HS3ST3B1: variants seen among roughly 807,000 people sequenced by gnomAD.
HS3ST3B1 encodes heparan sulfate glucosamine 3-O-sulfotransferase 3B1.
Under a neutral mutation model 21.3 loss-of-function variants are expected in HS3ST3B1, and 13 were observed. The observed-to-expected ratio is 0.61, with a 90% CI of 0.40 to 0.97. The LOEUF (loss-of-function observed/expected upper bound fraction) is 0.97, where lower values mean the gene tolerates loss of function less well. Ranked by LOEUF, HS3ST3B1 falls within the 50% of genes least tolerant of loss-of-function variation. HS3ST3B1 has a pLI of 0.00. For synonymous variants in HS3ST3B1, 234 were observed against 254.8 expected (o/e 0.92, Z 0.78); for missense variants, 459 against 554.8 (o/e 0.83, Z 1.73).
chr17:14,322,005 T>A (rs981036568), intron 1 of HS3ST3B1, among the ~76,000 whole-genome samples: 1 of 151,756 alleles, frequency 6.6e-6, no homozygotes, highest in Non-Finnish European at 1.5e-5. Context: ...TATATATATA[T>A]AAAGTGCTGT....
intron 1 of HS3ST3B1, among the ~76,000 whole-genome samples, chr17:14,323,133 CCT>C (rs1389784018): frequency 6.6e-6 from 1 of 152,058 alleles, no homozygotes; most frequent in African/African-American, 2.4e-5. Context: ...GTCTCGAACT[CCT>C]AACCTGGTGA....
intron 1 of HS3ST3B1, among the ~76,000 whole-genome samples, chr17:14,323,190 G>C (rs1273662666): frequency 6.6e-6 from 1 of 152,130 alleles, no homozygotes; most frequent in African/African-American, 2.4e-5. Context: ...ACAGGCGTGA[G>C]CCACCGCACC....
intron 1 of HS3ST3B1, among the ~76,000 whole-genome samples, chr17:14,302,557 G>A (rs1318698062): frequency 2.0e-5 from 3 of 152,136 alleles, no homozygotes; most frequent in Non-Finnish European, 4.4e-5. Flanking sequence ...GCGGCGTCCC[G>A]GCGAGGCCGC....
intron 1 of HS3ST3B1, among the ~76,000 whole-genome samples, chr17:14,340,783 A>T (rs1910353114): frequency 6.6e-6 from 1 of 152,064 alleles, no homozygotes; most frequent in Non-Finnish European, 1.5e-5. Flanking sequence ...AGGTTTCACC[A>T]TGTTGGCCAG....
rs567005823 is a variant in HS3ST3B1 at position 14,321,890 on chromosome 17, G to A, written c.554+19818G>A. ...GCGGAAGTGCAAAGAACTAGTAAGA[G>A]ATTTAGCTTCCACTTTCTAAATTAA... On this transcript the variant is annotated intron_variant, in intron 1 of 1. Transcript: ENST00000360954. 3.9e-5 allele frequency among the ~76,000 whole-genome samples: 6 copies of A among 151,956 alleles called. No homozygotes were observed. In the South Asian group the frequency reaches 1.0e-3, roughly 26 times the overall value.
At chr17:14,319,118 C>T (rs1909582774) in intron 1 of HS3ST3B1, among the ~76,000 whole-genome samples, 1 of 152,206 alleles carries the variant, frequency 6.6e-6, no homozygotes, top group African/African-American at 2.4e-5. Context: ...CACTAGCAGA[C>T]AGCAGCGGTC....
chr17:14,331,643 G>T (rs1015236664), intron 1 of HS3ST3B1, among the ~76,000 whole-genome samples: 3 of 152,080 alleles, frequency 2.0e-5, no homozygotes, highest in African/African-American at 7.2e-5. Context: ...AAAGAGAAAG[G>T]CCTAGTAAAC....
rs1910552627 is a variant in HS3ST3B1 at position 14,345,791 on chromosome 17, TAG to T, written c.*150_*151del. 4 of 1,028,290 alleles carry T rather than the reference TAG, an allele frequency of 3.9e-6. No individual in the cohort carries two copies. In the African/African-American group the frequency reaches 4.9e-5, roughly 13 times the overall value. The allele number at this position is 1,028,290 out of a possible 1,614,324, so 63.7% of individuals were successfully genotyped here. A position where few individuals can be genotyped will look rare whatever the true frequency, so the allele number is the denominator to read the frequency against. Reference sequence around the variant, plus strand: ...CACTAAGCTGCCTAGCCACACTCTTTAGAGAGTTAGCTTCATAATCTGTTAAC... The same window carrying T: ...CACTAAGCTGCCTAGCCACACTCTTTAGAGTTAGCTTCATAATCTGTTAAC... On this transcript the variant is annotated 3_prime_UTR_variant, in exon 2 of 2. Transcript: ENST00000360954.
intron 1 of HS3ST3B1, among the ~76,000 whole-genome samples, chr17:14,322,898 C>CTA (rs1567639646): frequency 5.3e-5 from 5 of 94,586 alleles, no homozygotes; most frequent in Non-Finnish European, 4.3e-5. Flanking sequence ...GTGTCTATGT[C>CTA]TTTTTTTTTT....
rs535536676 is a variant in HS3ST3B1 at position 14,343,135 on chromosome 17, A to G, written c.555-1893A>G. On this transcript the variant is annotated intron_variant, in intron 1 of 1. Coordinates refer to ENST00000360954, the MANE Select transcript of HS3ST3B1 (RefSeq NM_006041.3). The stretch of plus-strand genomic sequence containing the variant: ...TGGGCGCCTGTAGTCCCAGGTACTC[A>G]GAAGGTTGAGGCAGGAGAATTGCTT... 2.6e-4 allele frequency among the ~76,000 whole-genome samples: 40 copies of G among 152,110 alleles called. No individual in the cohort carries two copies. The South Asian group carries it at 7.9e-3, about 30-fold the overall frequency.
chr17:14,342,179 G>T (rs1323747819), intron 1 of HS3ST3B1, among the ~76,000 whole-genome samples: 1 of 152,196 alleles, frequency 6.6e-6, no homozygotes, highest in Non-Finnish European at 1.5e-5. Flanking sequence ...AGTGGATTAA[G>T]ATGGCTTGAA....
intron 1 of HS3ST3B1, among the ~76,000 whole-genome samples, chr17:14,338,149 C>T (rs890781341): frequency 6.6e-6 from 1 of 151,786 alleles, no homozygotes; most frequent in Non-Finnish European, 1.5e-5. Flanking sequence ...TTGTTTTAGA[C>T]GGAGTCTTGT....
At chr17:14,329,136 C>A (rs1254574006) in intron 1 of HS3ST3B1, 2 of 152,036 alleles carry the variant, frequency 1.3e-5, no homozygotes, top group African/African-American at 4.8e-5. Context: ...TTGTCCCAAA[C>A]TCCTAGTGGT....
At chr17:14,342,108 G>C (rs1910404535) in intron 1 of HS3ST3B1, among the ~76,000 whole-genome samples, 2 of 152,164 alleles carry the variant, frequency 1.3e-5, no homozygotes, top group African/African-American at 4.8e-5. Flanking sequence ...GCCTTTTCTG[G>C]CTCCTGTGAT....
At chr17:14,343,522 C>T (rs1910455235) in intron 1 of HS3ST3B1, among the ~76,000 whole-genome samples, 2 of 152,138 alleles carry the variant, frequency 1.3e-5, no homozygotes, top group African/African-American at 2.4e-5. Flanking sequence ...CTGGTAACCA[C>T]CTTTTTACTC....
intron 1 of HS3ST3B1, among the ~76,000 whole-genome samples, chr17:14,306,952 C>T (rs1015855531): frequency 7.2e-5 from 11 of 152,180 alleles, no homozygotes; most frequent in African/African-American, 2.6e-4. Flanking sequence ...AATTAGGCAC[C>T]TAAATTAGAC....
chr17:14,311,254 A>C (rs1011954831), intron 1 of HS3ST3B1, among the ~76,000 whole-genome samples: 1 of 151,158 alleles, frequency 6.6e-6, no homozygotes, highest in Non-Finnish European at 1.5e-5. Context: ...AAAAAAAAAA[A>C]AACTGTAGAG....
chr17:14,315,609 G>A (rs933016572), intron 1 of HS3ST3B1, among the ~76,000 whole-genome samples: 8 of 152,098 alleles, frequency 5.3e-5, no homozygotes, highest in African/African-American at 1.9e-4. Context: ...GATCACCTGA[G>A]GTCAGGAGAT....
At chr17:14,331,074 G>T (rs1909995793) in intron 1 of HS3ST3B1, among the ~76,000 whole-genome samples, 1 of 152,136 alleles carries the variant, frequency 6.6e-6, no homozygotes, top group African/African-American at 2.4e-5. Context: ...TTTCTAAAAA[G>T]TCCGCTTCCC....
Sources: allele counts gnomAD v4.1 joint callset (sites outside exome capture counted in the v4.1 genomes callset), GRCh38; gene constraint gnomAD v4.1.1; transcripts MANE v1.5; gene names NCBI Gene and HGNC (gene_info 2026-07-23, HGNC 2026-07-21).